Variants in NELFB observed in about 807,000 individuals in gnomAD.
NELFB encodes negative elongation factor B.
NELFB carries 34 observed loss-of-function variants against 60.2 expected under a neutral mutation model. The ratio of observed to expected loss-of-function variants is 0.56; its 90% confidence interval spans 0.43 to 0.75. NELFB has a LOEUF of 0.75. Ranked by LOEUF, NELFB falls within the 30% of genes least tolerant of loss-of-function variation. The pLI is 0.00. For synonymous variants in NELFB, 459 were observed against 382.1 expected, an observed-to-expected ratio of 1.20 and a Z score of -2.35; for missense variants, 770 against 831.6, an observed-to-expected ratio of 0.93 and a Z score of 0.91.
intron 7 of NELFB, 39 bp downstream of exon 7, chr9:137,266,018 G>A (rs1830514021): frequency 4.8e-6 from 7 of 1,470,482 alleles, no homozygotes; most frequent in African/African-American, 2.8e-5. Flanking sequence ...GGGGCCATGC[G>A]GCCACTCCGC....
At position 137,255,463 on chromosome 9, in the gene NELFB, G is replaced by A. The variant is rs1408962893; in HGVS notation, c.98G>A (p.Arg33Gln). ...GTGTCTGCGGCGGCGCCGGGGGAAC[G>A]GGCTGGGGATGGGGCGCCTAGCCGG... The change falls in exon 1 of 13, where the codon CGG becomes CAG. Residue 33 changes from arginine to glutamine, a missense_variant. By Grantham distance (43) the Arg-to-Gln change is conservative. Transcript: ENST00000343053. 2 of 1,477,136 alleles carry A rather than the reference G, an allele frequency of 1.4e-6. No homozygotes were observed. Among genetic ancestry groups the A allele is most frequent in the Non-Finnish European group, 1.8e-6 (2 of 1,110,310 alleles). 91.5% of individuals were successfully genotyped at this position (1,477,136 alleles called of 1,614,324 possible).
intron 10 of NELFB, among the ~76,000 whole-genome samples, chr9:137,268,119 G>T (rs867470875): frequency 1.3e-5 from 2 of 152,146 alleles, no homozygotes; most frequent in South Asian, 2.1e-4. Context: ...TGGGAGATGG[G>T]GCCTCTTTAG....
chr9:137,260,396 A>ATTTT (rs1219352970), intron 4 of NELFB, among the ~76,000 whole-genome samples: 2 of 98,360 alleles, frequency 2.0e-5, no homozygotes, highest in East Asian at 2.5e-4. Flanking sequence ...ATTTTTTAAA[A>ATTTT]TTTTTTTTAT....
In NELFB at chr9:137,272,624, C is replaced by T. The variant is rs778493609; in HGVS notation, c.1740+9C>T. 1 of 1,580,842 alleles carries T rather than the reference C, an allele frequency of 6.3e-7. No individual in the cohort carries two copies. The highest frequency in any genetic ancestry group is 8.6e-7 in the Non-Finnish European group (1 of 1,163,832). Reference sequence around the variant, plus strand: ...TGGAGCCTACAGGCCAGGTGGGTGCCCGGGGGGGCTGCATCTGAAGGCACC... The same window carrying T: ...TGGAGCCTACAGGCCAGGTGGGTGCTCGGGGGGGCTGCATCTGAAGGCACC... On this transcript the variant is annotated intron_variant, in intron 12 of 12. Coordinates refer to ENST00000343053, the MANE Select transcript of NELFB (RefSeq NM_015456.5).
At position 137,263,107 on chromosome 9, in the gene NELFB, G is replaced by A; in HGVS notation, c.812G>A (p.Arg271His). The stretch of plus-strand genomic sequence containing the variant: ...TACGACATGGTGCTGCAGTTTCTGC[G>A]CACGCTCTTCCTGCGCACGCGGAAT... Residue 271 changes from arginine to histidine, a missense_variant, in exon 5 of 13, where the codon CGC (arginine) becomes CAC (histidine). Transcript: ENST00000343053. The A allele has an allele frequency of 2.5e-6, 4 of 1,614,010 alleles. No individual in the cohort carries two copies. The highest frequency in any genetic ancestry group is 1.3e-5 in the African/African-American group (1 of 75,026).
chr9:137,264,489 A>G, intron 6 of NELFB, 132 bp downstream of exon 6: 1 of 698,360 alleles, frequency 1.4e-6, no homozygotes. Flanking sequence ...TTTTCGAGAC[A>G]GAGTCTCGTT....
chr9:137,272,093 G>A lies in NELFB; in HGVS notation c.1502G>A (p.Gly501Asp), dbSNP rs775067873. The A allele has an allele frequency of 1.2e-6, 2 of 1,614,132 alleles. No individual in the cohort carries two copies. The highest frequency in any genetic ancestry group is 1.7e-6 in the Non-Finnish European group (2 of 1,180,010). ...GCTGTGTCTGCAGTGGAGACCTTTG[G>A]CGACTTGGCCTTTGGCGACATCTTC... The change falls in exon 11 of 13, where the codon GGC becomes GAC. Residue 501 changes from glycine to aspartate, a missense_variant. By Grantham distance (94) the Gly-to-Asp change is moderately conservative (BLOSUM62 -1). Transcript: ENST00000343053.
intron 10 of NELFB, among the ~76,000 whole-genome samples, chr9:137,270,943 G>A (rs367996017): frequency 1.3e-5 from 2 of 152,208 alleles, no homozygotes; most frequent in Non-Finnish European, 2.9e-5. Context: ...CAGTGACCAC[G>A]GACCACGGGC....
intron 10 of NELFB, among the ~76,000 whole-genome samples, chr9:137,271,302 A>G (rs1830581377): frequency 6.6e-6 from 1 of 152,272 alleles, no homozygotes; most frequent in Admixed American, 6.5e-5. Context: ...CTCTGGGCGC[A>G]GGTGGCGCCA....
chr9:137,269,060 C>T lies in NELFB; in HGVS notation c.1489+1714C>T, dbSNP rs1013551328. On this transcript the variant is annotated intron_variant, in intron 10 of 12. Transcript: ENST00000343053. This position sits in a 1 kb window ranked among gnomAD's most constrained non-coding sequence, Gnocchi z 5.3. ...AGTGTTGCGTTGGGGATCAGGTTTCCGATGGTGAACTTGGGGACACGTCCA... is the reference window on the plus strand; with the variant it reads ...AGTGTTGCGTTGGGGATCAGGTTTCTGATGGTGAACTTGGGGACACGTCCA... Among the ~76,000 whole-genome samples, 3 of 151,024 alleles carry T rather than the reference C, an allele frequency of 2.0e-5. No individual in the cohort carries two copies. Among genetic ancestry groups the T allele is most frequent in the Non-Finnish European group, 4.4e-5 (3 of 67,906 alleles).
At chr9:137,267,592 A>G (rs1252951490) in intron 10 of NELFB, among the ~76,000 whole-genome samples, 1 of 149,188 alleles carries the variant, frequency 6.7e-6, no homozygotes, top group East Asian at 2.0e-4. Context: ...TCCTAGGTTC[A>G]AGTGATTTCT....
intron 5 of NELFB, 30 bp from the exon 6 acceptor site, chr9:137,264,215 G>A: frequency 6.5e-7 from 1 of 1,532,224 alleles, no homozygotes; most frequent in African/African-American, 1.4e-5. Context: ...GGAGGTTTGG[G>A]CTGGTCCCGA....
In NELFB at chr9:137,272,144, C is replaced by A; in HGVS notation, c.1553C>A (p.Ala518Glu). 1.2e-6 allele frequency: 2 copies of A among 1,614,232 alleles called. No individual in the cohort carries two copies. Among genetic ancestry groups the A allele is most frequent in the Non-Finnish European group, 1.7e-6 (2 of 1,180,026 alleles). ...CTCCACCTGCTCACGGGCAACCTTG[C>A]GCTGCTGGCCGACGAATTTGCCCTT... Residue 518 changes from alanine to glutamate, a missense_variant, in exon 11 of 13, where the codon GCG becomes GAG. Coordinates refer to ENST00000343053, the MANE Select transcript of NELFB (RefSeq NM_015456.5).
At position 137,263,161 on chromosome 9, in the gene NELFB, T is replaced by C. The variant is rs760095332; in HGVS notation, c.866T>C (p.Leu289Pro). 1.2e-6 allele frequency: 2 copies of C among 1,613,994 alleles called. No homozygotes were observed. Among genetic ancestry groups the C allele is most frequent in the South Asian group, 2.2e-5 (2 of 91,090 alleles). ...CACTACTGCACGCTGCGGGCTGAGC[T>C]GCTCATGTCCCTGCACGACCTGGAC... The change falls in exon 5 of 13, where the codon CTG (leucine) becomes CCG (proline). Residue 289 changes from leucine to proline, a missense_variant. Physicochemically the swap from Leu to Pro is moderately conservative, Grantham distance 98. Transcript: ENST00000343053.
Position 137,271,647 on chromosome 9 carries a change from ACT to A in NELFB, c.1490-429_1490-428del, listed in dbSNP as rs139937098. 1.2e-4 allele frequency among the ~76,000 whole-genome samples: 18 copies of A among 151,804 alleles called. No homozygotes were observed. The East Asian group carries it at 2.3e-3, about 20-fold the overall frequency. On this transcript the variant is annotated intron_variant, in intron 10 of 12. Coordinates refer to ENST00000343053, the MANE Select transcript of NELFB (RefSeq NM_015456.5). ...TCAGTGTAGCTGGCAGTCAGGGAGAACTCTCTGCAGCTGGCGCCGGCCCTGTA... is the reference window on the plus strand; with the variant it reads ...TCAGTGTAGCTGGCAGTCAGGGAGAACTCTGCAGCTGGCGCCGGCCCTGTA...
chr9:137,272,645 G>T (rs746973596), intron 12 of NELFB, 30 bp downstream of exon 12: 1 of 1,559,432 alleles, frequency 6.4e-7, no homozygotes, highest in Admixed American at 1.9e-5. Context: ...GCATCTGAAG[G>T]CACCTGGTCC....
intron 10 of NELFB, among the ~76,000 whole-genome samples, chr9:137,268,925 CACAG>C (rs1014250386): frequency 2.0e-5 from 3 of 152,150 alleles, no homozygotes; most frequent in East Asian, 1.9e-4. Context: ...AGAGATGAGA[CACAG>C]ACAGACGGAG....
chr9:137,262,508 C>T (rs569074718), intron 4 of NELFB, among the ~76,000 whole-genome samples: 78 of 152,268 alleles, frequency 5.1e-4, no homozygotes, highest in Non-Finnish European at 8.7e-4. Flanking sequence ...GATTGTAGAG[C>T]GAGGATTGTT....
chr9:137,265,031 C>CTTTTTTT (rs60479210), intron 6 of NELFB, among the ~76,000 whole-genome samples: 1 of 126,176 alleles, frequency 7.9e-6, no homozygotes, highest in African/African-American at 3.1e-5. Context: ...TTTTTTCTTC[C>CTTTTTTT]TTTTTTTTTT....
Sources: gnomAD v4.1 joint callset for allele counts (sites outside exome capture counted in the v4.1 genomes callset) on GRCh38, gnomAD v4.1.1 for gene constraint, Gnocchi (gnomAD v3.1) non-coding constraint, MANE v1.5 for transcripts, NCBI Gene and HGNC (gene_info 2026-07-23, HGNC 2026-07-21) for gene names.